DIAPH2: variants seen among roughly 807,000 people sequenced by gnomAD.
DIAPH2 encodes diaphanous related formin 2, also known as protein diaphanous homolog 2.
In DIAPH2, 35 loss-of-function variants were observed where a neutral mutation model predicts 92.7. The ratio of observed to expected loss-of-function variants is 0.38; its 90% confidence interval spans 0.29 to 0.50. DIAPH2 has a LOEUF of 0.50. Ranked by LOEUF, DIAPH2 falls within the 20% of genes least tolerant of loss-of-function variation. DIAPH2 has a pLI of 0.94. For missense variants in DIAPH2, 701 were observed against 819.5 expected (o/e 0.86, Z 1.77); for synonymous variants, 301 against 280.4 (o/e 1.07, Z -0.73).
At position 97,368,241 on chromosome X, in the gene DIAPH2, C is replaced by G. The variant is rs945906231; in HGVS notation, c.3010-15668C>G. ...TGACGTGGGAAACTCTGGAAGATATCTAATAAGACTTGTTCTTTAAATACA... is the reference window on the plus strand; with the variant it reads ...TGACGTGGGAAACTCTGGAAGATATGTAATAAGACTTGTTCTTTAAATACA... On this transcript the variant is annotated intron_variant, in intron 24 of 26. Coordinates refer to ENST00000324765, the MANE Select transcript of DIAPH2 (RefSeq NM_006729.5). 8.0e-5 allele frequency among the ~76,000 whole-genome samples: 9 copies of G among 112,202 alleles called. No individual in the cohort carries two copies. In the Admixed American group the frequency reaches 8.5e-4, roughly 11 times the overall value.
chrX:96,718,360 TTTTTTTTTTTTTTTA>T (rs2063967766), intron 1 of DIAPH2, among the ~76,000 whole-genome samples: 1 of 71,084 alleles, frequency 1.4e-5, no homozygotes, highest in Admixed American at 1.7e-4. Context: ...TTTTTTTTTT[TTTTTTTTTTTTTTTA>T]TGGTGTCTCA....
chrX:97,138,806 G>T (rs1361170190), intron 21 of DIAPH2, among the ~76,000 whole-genome samples: 1 of 111,052 alleles, frequency 9.0e-6, no homozygotes, highest in Non-Finnish European at 1.9e-5. Flanking sequence ...CTCCCTACCT[G>T]TCATGGCTGG....
intron 1 of DIAPH2, among the ~76,000 whole-genome samples, chrX:96,722,106 A>G (rs1004866284): frequency 4.5e-4 from 50 of 111,995 alleles, no homozygotes; most frequent in African/African-American, 7.8e-4. Context: ...CTGTAATCCC[A>G]GCACTTTGGG....
At chrX:97,352,799 G>T (rs898647013) in intron 24 of DIAPH2, among the ~76,000 whole-genome samples, 3 of 103,410 alleles carry the variant, frequency 2.9e-5, no homozygotes, top group Non-Finnish European at 6.0e-5. Context: ...GAACCCAGGA[G>T]GCGGAGCTTG....
intron 23 of DIAPH2, among the ~76,000 whole-genome samples, chrX:97,309,807 A>T (rs906321626): frequency 8.9e-6 from 1 of 112,268 alleles, no homozygotes; most frequent in Non-Finnish European, 1.9e-5. Flanking sequence ...TTTGTGAAGG[A>T]TCTGTTTCAG....
At chrX:97,435,020 A>G (rs1436215423) in intron 26 of DIAPH2, among the ~76,000 whole-genome samples, 1 of 111,442 alleles carries the variant, frequency 9.0e-6, no homozygotes, top group Non-Finnish European at 1.9e-5. Context: ...CAGGTAGGAG[A>G]ATCCAGACAT....
intron 10 of DIAPH2, 82 bp downstream of exon 10, chrX:96,930,925 A>G: frequency 9.9e-7 from 1 of 1,011,928 alleles, no homozygotes; most frequent in Non-Finnish European, 1.3e-6. Context: ...AGCAGAGTAA[A>G]TAAATGTGCT....
intron 4 of DIAPH2, among the ~76,000 whole-genome samples, chrX:96,848,066 G>A (rs2064984038): frequency 9.2e-6 from 1 of 108,984 alleles, no homozygotes; most frequent in African/African-American, 3.4e-5. Flanking sequence ...TAGAGACAAG[G>A]TATTGCTCTG....
intron 23 of DIAPH2, among the ~76,000 whole-genome samples, chrX:97,294,647 T>C (rs917774945): frequency 8.9e-6 from 1 of 111,978 alleles, no homozygotes; most frequent in African/African-American, 3.2e-5. Flanking sequence ...TTTAGATATA[T>C]CATACTCTAT....
chrX:96,867,972 A>C lies in DIAPH2; in HGVS notation c.448-13607A>C, dbSNP rs2065116202. Among the ~76,000 whole-genome samples the C allele has an allele frequency of 2.7e-5, 3 of 111,916 alleles. No homozygotes were observed. In the South Asian group the frequency reaches 1.1e-3, roughly 42 times the overall value. On this transcript the variant is annotated intron_variant, in intron 4 of 26. Transcript: ENST00000324765. ...ATACATGTTAAATACAAAACCCATA[A>C]AATTTAAATTAACATTATTTTAAGT...
At chrX:97,503,192 A>T (rs2070810477) in intron 26 of DIAPH2, among the ~76,000 whole-genome samples, 1 of 112,210 alleles carries the variant, frequency 8.9e-6, no homozygotes, top group Admixed American at 9.5e-5. Context: ...CTAAGTGCTG[A>T]GGATACTGAG....
intron 23 of DIAPH2, among the ~76,000 whole-genome samples, chrX:97,254,159 AG>A (rs1473535121): frequency 9.0e-6 from 1 of 111,685 alleles, no homozygotes. Flanking sequence ...CTGGACTGTC[AG>A]GGCCAAGGAC....
rs147484134 is a variant in DIAPH2 at position 96,801,219 on chromosome X, G to C, written c.447+42961G>C. On this transcript the variant is annotated intron_variant, in intron 4 of 26. Transcript: ENST00000324765. Reference sequence around the variant, plus strand: ...CAAGACACTCTAGGGAGTTGTATTAGAGACCAGACAAAAGAACTTTGCTAC... The same window carrying C: ...CAAGACACTCTAGGGAGTTGTATTACAGACCAGACAAAAGAACTTTGCTAC... Among the ~76,000 whole-genome samples the C allele has an allele frequency of 4.8e-3, 535 of 112,304 alleles. 3 individuals carry two copies. The highest frequency in any genetic ancestry group is 0.017 in the African/African-American group (514 of 31,007).
At chrX:96,888,497 C>T (rs1212971229) in intron 5 of DIAPH2, among the ~76,000 whole-genome samples, 3 of 102,476 alleles carry the variant, frequency 2.9e-5, no homozygotes, top group Non-Finnish European at 5.9e-5. Flanking sequence ...AGATATATAT[C>T]TCTATATATG....
chrX:96,925,245 C>T (rs969882278), intron 9 of DIAPH2, among the ~76,000 whole-genome samples: 3 of 110,680 alleles, frequency 2.7e-5, no homozygotes, highest in African/African-American at 9.8e-5. Context: ...ACTTATCTTC[C>T]TTTTAAAAAA....
rs765268904 is a variant in DIAPH2 at position 97,420,882 on chromosome X, T to C, written c.3146-8768T>C. 3.6e-5 allele frequency among the ~76,000 whole-genome samples: 4 copies of C among 112,281 alleles called. No homozygotes were observed. In the South Asian group the frequency reaches 1.5e-3, roughly 41 times the overall value. ...CATTATTTTCCATAGAACTTTATAC[T>C]TTCTATTTATGCCCTCTTCTAATCT... On this transcript the variant is annotated intron_variant, in intron 25 of 26. Coordinates refer to ENST00000324765, the MANE Select transcript of DIAPH2 (RefSeq NM_006729.5).
intron 24 of DIAPH2, among the ~76,000 whole-genome samples, chrX:97,379,712 G>A (rs374723943): frequency 3.6e-5 from 4 of 111,914 alleles, no homozygotes; most frequent in African/African-American, 1.3e-4. Flanking sequence ...TAAAGTACTT[G>A]AGCAGTCAGT....
At chrX:97,082,986 C>T (rs1327780740) in intron 19 of DIAPH2, among the ~76,000 whole-genome samples, 1 of 112,163 alleles carries the variant, frequency 8.9e-6, no homozygotes, top group Non-Finnish European at 1.9e-5. Context: ...ACAAATTATA[C>T]ACTTTTGTAA....
At position 97,433,558 on chromosome X, in the gene DIAPH2, C is replaced by T. The variant is rs1372324425; in HGVS notation, c.3241+3813C>T. 2.7e-5 allele frequency among the ~76,000 whole-genome samples: 3 copies of T among 111,147 alleles called. No individual in the cohort carries two copies. The Admixed American group carries it at 2.9e-4, about 11-fold the overall frequency. On this transcript the variant is annotated intron_variant, in intron 26 of 26. Coordinates refer to ENST00000324765, the MANE Select transcript of DIAPH2 (RefSeq NM_006729.5). ...AAATATTAACTGGTGTATCACAGGC[C>T]CCAGATAGTCGAAATGTACACAGGT...
Sources: gnomAD v4.1 joint callset for allele counts (sites outside exome capture counted in the v4.1 genomes callset) on GRCh38, gnomAD v4.1.1 for gene constraint, MANE v1.5 for transcripts, NCBI Gene and HGNC (gene_info 2026-07-23, HGNC 2026-07-21) for gene names.